Variants in WDFY3 observed in about 807,000 individuals in gnomAD.
WDFY3 encodes WD repeat and FYVE domain-containing protein 3.
Under a neutral mutation model 409.6 loss-of-function variants are expected in WDFY3, and 66 were observed. That is an observed-to-expected ratio of 0.16 (90% CI 0.13 to 0.20). The LOEUF (loss-of-function observed/expected upper bound fraction) is 0.20. Among genes scored for constraint, WDFY3 ranks in the 10% least tolerant of loss-of-function variants. WDFY3 has a pLI of 1.00. For synonymous variants in WDFY3, 1,521 were observed against 1,537.1 expected (o/e 0.99, Z 0.25); for missense variants, 3,031 against 4,298.1 (o/e 0.71, Z 8.24).
chr4:84,906,521 T>A (rs370595940), intron 2 of WDFY3, among the ~76,000 whole-genome samples: 21 of 152,252 alleles, frequency 1.4e-4, no homozygotes, highest in African/African-American at 5.1e-4. Context: ...CTTAAAAAAA[T>A]TTAACCACAG....
intron 56 of WDFY3, among the ~76,000 whole-genome samples, chr4:84,697,195 T>C (rs1730287796): frequency 6.6e-6 from 1 of 152,216 alleles, no homozygotes; most frequent in African/African-American, 2.4e-5. Flanking sequence ...ATGTCTGAAA[T>C]TTAATTGACC....
At chr4:84,933,310 GT>G (rs1365242799) in intron 1 of WDFY3, among the ~76,000 whole-genome samples, 1 of 152,024 alleles carries the variant, frequency 6.6e-6, no homozygotes, top group African/African-American at 2.4e-5. Flanking sequence ...TAATAACCTA[GT>G]TTTGCTGGTT....
At chr4:84,902,040 G>A (rs1766411244) in intron 2 of WDFY3, among the ~76,000 whole-genome samples, 1 of 152,172 alleles carries the variant, frequency 6.6e-6, no homozygotes, top group African/African-American at 2.4e-5. Context: ...TTATATCACA[G>A]TTGTCAGCCC....
At chr4:84,817,287 T>G in intron 13 of WDFY3, 105 bp downstream of exon 13, 1 of 1,425,146 alleles carries the variant, frequency 7.0e-7, no homozygotes, top group South Asian at 1.3e-5. Flanking sequence ...TCTTGGGTAA[T>G]TTGGATTTTT....
chr4:84,701,075 A>G (rs2148926673), intron 56 of WDFY3, among the ~76,000 whole-genome samples: 1 of 152,322 alleles, frequency 6.6e-6, no homozygotes, highest in Admixed American at 6.5e-5. Flanking sequence ...ATGCCACTGC[A>G]CTCCAGCTTG....
At chr4:84,904,896 T>C (rs534517647) in intron 2 of WDFY3, among the ~76,000 whole-genome samples, 14 of 152,368 alleles carry the variant, frequency 9.2e-5, no homozygotes, top group African/African-American at 3.4e-4. Context: ...CCCAGCACTT[T>C]GGGAGGCCAA....
At chr4:84,766,146 G>A (rs1024537354) in intron 31 of WDFY3, 106 bp downstream of exon 31, 16 of 1,483,640 alleles carry the variant, frequency 1.1e-5, no homozygotes, top group Admixed American at 2.2e-5. Flanking sequence ...TAAATTTCAG[G>A]GTTAAAAAAA....
chr4:84,927,662 T>A (rs1770181704), intron 2 of WDFY3, among the ~76,000 whole-genome samples: 1 of 152,070 alleles, frequency 6.6e-6, no homozygotes, highest in South Asian at 2.1e-4. Context: ...AATGAGTGAG[T>A]CTCAGGGGAT....
At chr4:84,718,110 T>C (rs1361345085) in intron 48 of WDFY3, among the ~76,000 whole-genome samples, 5 of 149,890 alleles carry the variant, frequency 3.3e-5, no homozygotes, top group Non-Finnish European at 5.9e-5. Context: ...ATTGTATATC[T>C]GCTATATTTT....
intron 44 of WDFY3, among the ~76,000 whole-genome samples, chr4:84,730,608 A>G (rs1468475155): frequency 6.6e-6 from 1 of 152,196 alleles, no homozygotes; most frequent in East Asian, 1.9e-4. Context: ...TGGGATAACA[A>G]TATTAACTGT....
intron 4 of WDFY3, among the ~76,000 whole-genome samples, chr4:84,854,497 A>G (rs1055006623): frequency 6.6e-6 from 1 of 152,252 alleles, no homozygotes; most frequent in Non-Finnish European, 1.5e-5. Flanking sequence ...TCTTGAAACT[A>G]TACAATGCTT....
In WDFY3 at chr4:84,721,521, TCTC is replaced by T; in HGVS notation, c.7490_7492del (p.Gly2497del). On this transcript the variant is annotated inframe_deletion, in exon 47 of 68. Transcript: ENST00000295888. ...TTGTAGCTGCTCCTGGTTCTCCTCATCTCCTCCATCAGGTGCAGATCGGGAGCG... is the reference window on the plus strand; with the variant it reads ...TTGTAGCTGCTCCTGGTTCTCCTCATCTCCATCAGGTGCAGATCGGGAGCG... 5.6e-6 allele frequency: 9 copies of T among 1,611,666 alleles called. No individual in the cohort carries two copies. Among genetic ancestry groups the T allele is most frequent in the Non-Finnish European group, 5.9e-6 (7 of 1,180,010 alleles).
intron 8 of WDFY3, among the ~76,000 whole-genome samples, chr4:84,831,110 C>T (rs1008640789): frequency 2.7e-5 from 4 of 147,190 alleles, no homozygotes; most frequent in Non-Finnish European, 5.9e-5. Flanking sequence ...TGCTTGAACC[C>T]GGGAGGATGG....
chr4:84,671,836 C>T lies in WDFY3; in HGVS notation c.*1032G>A, dbSNP rs1438643296. On this transcript the variant is annotated 3_prime_UTR_variant, in exon 68 of 68. Coordinates refer to ENST00000295888, the MANE Select transcript of WDFY3 (RefSeq NM_014991.6). ...ACTTCTTTCTTTCCTTTTTTTACCC[C>T]TTGTTTGAAAATAAGCTATAGTAGA... is the stretch of plus-strand genomic sequence containing the variant. 1 of 152,186 alleles carries T rather than the reference C, an allele frequency of 6.6e-6. No individual in the cohort carries two copies. The highest frequency in any genetic ancestry group is 1.9e-4 in the East Asian group (1 of 5,186). The allele number at this position is 152,186 out of a possible 1,614,324, so 9.4% of individuals were successfully genotyped here.
intron 43 of WDFY3, 67 bp from the exon 44 acceptor site, chr4:84,733,676 C>A: frequency 7.1e-7 from 1 of 1,400,112 alleles, no homozygotes; most frequent in South Asian, 1.3e-5. Flanking sequence ...GTCTACAAGT[C>A]ACTGAAAATC....
chr4:84,760,009 C>A (rs1414584833), intron 32 of WDFY3, among the ~76,000 whole-genome samples: 9 of 151,962 alleles, frequency 5.9e-5, no homozygotes, highest in Admixed American at 2.6e-4. Flanking sequence ...AGTTTTTAGC[C>A]TGAAGGGTTG....
intron 1 of WDFY3, among the ~76,000 whole-genome samples, chr4:84,963,766 C>A (rs1377794729): frequency 6.6e-6 from 1 of 152,200 alleles, no homozygotes; most frequent in Non-Finnish European, 1.5e-5. Context: ...CTGGCTCTAA[C>A]TTCAGACAGT....
At chr4:84,773,585 G>A (rs1250220879) in intron 29 of WDFY3, among the ~76,000 whole-genome samples, 2 of 152,178 alleles carry the variant, frequency 1.3e-5, no homozygotes, top group African/African-American at 4.8e-5. Flanking sequence ...ACTTTTACAG[G>A]TTTAGGGAAT....
At chr4:84,819,712 A>G (rs1753797731) in intron 12 of WDFY3, among the ~76,000 whole-genome samples, 1 of 152,156 alleles carries the variant, frequency 6.6e-6, no homozygotes, top group African/African-American at 2.4e-5. Context: ...TTGTAACATT[A>G]TAATACTCTA....
Sources: allele counts gnomAD v4.1 joint callset (sites outside exome capture counted in the v4.1 genomes callset), GRCh38; gene constraint gnomAD v4.1.1; transcripts MANE v1.5; gene names NCBI Gene and HGNC (gene_info 2026-07-23, HGNC 2026-07-21).